The following FARS2 variants were observed in gnomAD, a reference collection of about 807,000 sequenced individuals.
FARS2 encodes phenylalanyl-tRNA synthetase 2, mitochondrial.
Under a neutral mutation model 46.4 loss-of-function variants are expected in FARS2, and 40 were observed. The ratio of observed to expected loss-of-function variants is 0.86; its 90% confidence interval spans 0.67 to 1.12. The LOEUF (loss-of-function observed/expected upper bound fraction) is 1.12, where lower values mean the gene tolerates loss of function less well. Among genes scored for constraint, FARS2 ranks in the 50% most tolerant of loss-of-function variants. The pLI is 0.00. For missense variants in FARS2, 513 were observed against 567.9 expected, an observed-to-expected ratio of 0.90 and a Z score of 0.98; for synonymous variants, 234 against 214.9, an observed-to-expected ratio of 1.09 and a Z score of -0.78.
At chr6:5,318,186 C>G (rs1247207038) in intron 1 of FARS2, among the ~76,000 whole-genome samples, 2 of 151,916 alleles carry the variant, frequency 1.3e-5, no homozygotes, top group Non-Finnish European at 2.9e-5. Context: ...TGGTGAAACC[C>G]CATCTCTACT....
At chr6:5,622,759 C>T (rs999797678) in intron 6 of FARS2, among the ~76,000 whole-genome samples, 9 of 152,196 alleles carry the variant, frequency 5.9e-5, no homozygotes, top group Admixed American at 1.3e-4. Flanking sequence ...CCTCCAGAAC[C>T]GTGAGAAATG....
intron 4 of FARS2, among the ~76,000 whole-genome samples, chr6:5,431,448 T>TA (rs1312325840): frequency 6.6e-6 from 1 of 152,224 alleles, no homozygotes; most frequent in African/African-American, 2.4e-5. Flanking sequence ...TATTTGTTGA[T>TA]ACGTTGCTTT....
intron 5 of FARS2, among the ~76,000 whole-genome samples, chr6:5,591,282 A>G (rs1383460421): frequency 6.6e-6 from 1 of 152,240 alleles, no homozygotes; most frequent in Non-Finnish European, 1.5e-5. Context: ...TAACAGCAGG[A>G]ACAAGGGAAA....
intron 5 of FARS2, among the ~76,000 whole-genome samples, chr6:5,589,871 C>G (rs1379238541): frequency 6.6e-6 from 1 of 152,092 alleles, no homozygotes; most frequent in South Asian, 2.1e-4. Flanking sequence ...ATTGAATATT[C>G]CATACATATA....
At chr6:5,381,467 A>G (rs1759787666) in intron 2 of FARS2, among the ~76,000 whole-genome samples, 1 of 151,674 alleles carries the variant, frequency 6.6e-6, no homozygotes, top group Non-Finnish European at 1.5e-5. Context: ...TAGGCTTATT[A>G]GTTAAAGGGT....
rs374739499 is a variant in FARS2, at chr6:5,511,682, G to A, written c.905-33498G>A. On this transcript the variant is annotated intron_variant, in intron 4 of 6. Coordinates refer to ENST00000274680, the MANE Select transcript of FARS2 (RefSeq NM_006567.5). ...GCTATTGGAGGAAAAGGGTCATTTC[G>A]TAGACCTGTGGCCCTAACCATGCCT... Among the ~76,000 whole-genome samples, 42 of 152,302 alleles carry A rather than the reference G, an allele frequency of 2.8e-4. No homozygotes were observed. The East Asian group carries it at 6.9e-3, about 25-fold the overall frequency.
At chr6:5,276,626 A>G (rs1326874292) in intron 1 of FARS2, among the ~76,000 whole-genome samples, 4 of 152,192 alleles carry the variant, frequency 2.6e-5, no homozygotes, top group Admixed American at 6.5e-5. Flanking sequence ...GAATGGCTGC[A>G]TCCTCAACAC....
At chr6:5,696,227 T>C (rs886762354) in intron 6 of FARS2, among the ~76,000 whole-genome samples, 1 of 152,238 alleles carries the variant, frequency 6.6e-6, no homozygotes, top group Non-Finnish European at 1.5e-5. Flanking sequence ...ATACGGGTAC[T>C]GCAATATTCA....
chr6:5,305,105 G>T (rs898971791), intron 1 of FARS2, among the ~76,000 whole-genome samples: 2 of 152,178 alleles, frequency 1.3e-5, no homozygotes, highest in Admixed American at 6.5e-5. Context: ...TGGAGTGCTT[G>T]TGTGGAGAAG....
At chr6:5,280,274 C>A (rs114263473) in intron 1 of FARS2, among the ~76,000 whole-genome samples, 3,042 of 152,320 alleles carry the variant, frequency 0.02, 91 homozygotes, top group African/African-American at 0.069. Flanking sequence ...AAGAACACAG[C>A]TAGTTAAAAT....
At position 5,467,436 on chromosome 6, in the gene FARS2, A is replaced by G. The variant is rs567659154; in HGVS notation, c.904+36264A>G. 6.7e-4 allele frequency among the ~76,000 whole-genome samples: 102 copies of G among 152,310 alleles called. 1 individual carries two copies. The South Asian group carries it at 0.013, about 20-fold the overall frequency. On this transcript the variant is annotated intron_variant, in intron 4 of 6. Transcript: ENST00000274680. Reference sequence around the variant, plus strand: ...TCCTACAAGCTTATGAGCTAACAACATTTGCCCATGAGGTTTTAGATGCTG... The same window carrying G: ...TCCTACAAGCTTATGAGCTAACAACGTTTGCCCATGAGGTTTTAGATGCTG...
intron 1 of FARS2, among the ~76,000 whole-genome samples, chr6:5,351,184 G>A (rs529743976): frequency 6.6e-6 from 1 of 152,254 alleles, no homozygotes; most frequent in South Asian, 2.1e-4. Context: ...CTGGAGCATA[G>A]GGCCATTATT....
chr6:5,525,255 T>TTTTTTTTTTTTTTTTTTTTTGAGACGG (rs1769388203), intron 4 of FARS2, among the ~76,000 whole-genome samples: 2 of 151,202 alleles, frequency 1.3e-5, no homozygotes, highest in Non-Finnish European at 3.0e-5. Context: ...GGTGTATTTT[T>TTTTTTTTTTTTTTTTTTTTTGAGACGG]AATATTATTA....
chr6:5,588,697 G>C (rs1323339506), intron 5 of FARS2, among the ~76,000 whole-genome samples: 1 of 152,162 alleles, frequency 6.6e-6, no homozygotes, highest in Non-Finnish European at 1.5e-5. Flanking sequence ...CTTTCTCCAA[G>C]TGCTTCCTAA....
At chr6:5,648,709 G>A (rs575415638) in intron 6 of FARS2, among the ~76,000 whole-genome samples, 3 of 151,758 alleles carry the variant, frequency 2.0e-5, no homozygotes, top group Non-Finnish European at 1.5e-5. Context: ...CTAGATTTTT[G>A]GGTTACCCAA....
chr6:5,477,383 T>C (rs150978500), intron 4 of FARS2, among the ~76,000 whole-genome samples: 14 of 152,322 alleles, frequency 9.2e-5, no homozygotes, highest in African/African-American at 3.4e-4. Flanking sequence ...ACTTCCTGCT[T>C]TCCTGAAATA....
intron 4 of FARS2, among the ~76,000 whole-genome samples, chr6:5,435,895 G>A (rs1408929480): frequency 6.6e-6 from 1 of 152,142 alleles, no homozygotes; most frequent in Non-Finnish European, 1.5e-5. Flanking sequence ...TTTAAAAATC[G>A]GCTCTTTGGG....
intron 4 of FARS2, among the ~76,000 whole-genome samples, chr6:5,497,558 G>A (rs1767546107): frequency 6.6e-6 from 1 of 152,118 alleles, no homozygotes; most frequent in Non-Finnish European, 1.5e-5. Context: ...AAATAAAAAT[G>A]TTTCAACAAA....
At chr6:5,254,506 A>C in the FARS2 span, among the ~76,000 whole-genome samples, 1 of 152,228 alleles carries the variant, frequency 6.6e-6, no homozygotes, top group African/African-American at 2.4e-5. Flanking sequence ...TTCATGGCCC[A>C]AAACCGCAAT....
Sources: allele counts gnomAD v4.1 joint callset (sites outside exome capture counted in the v4.1 genomes callset), GRCh38; gene constraint gnomAD v4.1.1; transcripts MANE v1.5; gene names NCBI Gene and HGNC (gene_info 2026-07-23, HGNC 2026-07-21).